PARD3B: variants seen among roughly 807,000 people sequenced by gnomAD.
The protein encoded by PARD3B is par-3 family cell polarity regulator beta.
Under a neutral mutation model 130.2 loss-of-function variants are expected in PARD3B, and 103 were observed. The observed-to-expected ratio is 0.79, with a 90% CI of 0.67 to 0.93. The LOEUF is 0.93. Among genes scored for constraint, PARD3B ranks in the 40% least tolerant of loss-of-function variants. The probability of loss-of-function intolerance (pLI) is 0.00; values close to 1 mark genes in which losing one functional copy is unlikely to be tolerated. For synonymous variants in PARD3B, 583 were observed against 553.2 expected (o/e 1.05, Z -0.76); for missense variants, 1,609 against 1,499.2 (o/e 1.07, Z -1.21).
At position 205,301,905 on chromosome 2, in the gene PARD3B, T is replaced by G. The variant is rs1213946286; in HGVS notation, c.2630+204T>G. 3 of 805,746 alleles carry G rather than the reference T, an allele frequency of 3.7e-6. No individual in the cohort carries two copies. The highest frequency in any genetic ancestry group is 6.4e-6 in the Non-Finnish European group (3 of 467,514). The allele number at this position is 805,746 out of a possible 1,614,324, so 49.9% of individuals were successfully genotyped here. On this transcript the variant is annotated intron_variant, in intron 18 of 22. Coordinates refer to ENST00000406610, the MANE Select transcript of PARD3B (RefSeq NM_001302769.2). This position sits in a 1 kb window ranked among gnomAD's most constrained non-coding sequence, Gnocchi z 5.2. ...TTACAGTGATGACAGGACACTGTCT[T>G]AAGTTTGTTGTCAAAGAAAGGTCAA...
chr2:204,896,104 G>C (rs2046631949), intron 2 of PARD3B, among the ~76,000 whole-genome samples: 1 of 152,100 alleles, frequency 6.6e-6, no homozygotes. Flanking sequence ...TCTGCTGTGG[G>C]ACCTCTCACA....
At chr2:205,303,513 G>A (rs565819999) in intron 18 of PARD3B, among the ~76,000 whole-genome samples, 82 of 152,272 alleles carry the variant, frequency 5.4e-4, no homozygotes, top group African/African-American at 1.8e-3. Flanking sequence ...TACAGCCACA[G>A]CATCTACCTG....
chr2:205,210,853 C>G (rs2125847971), intron 15 of PARD3B, among the ~76,000 whole-genome samples: 1 of 152,124 alleles, frequency 6.6e-6, no homozygotes, highest in Non-Finnish European at 1.5e-5. Flanking sequence ...TGAGCATTTC[C>G]TTTATAAGGC....
intron 4 of PARD3B, among the ~76,000 whole-genome samples, chr2:205,076,878 T>G (rs1047226153): frequency 1.3e-5 from 2 of 152,168 alleles, no homozygotes; most frequent in Admixed American, 1.3e-4. Context: ...AAATGCTACA[T>G]ACTATATTCC....
intron 2 of PARD3B, among the ~76,000 whole-genome samples, chr2:204,861,815 T>A (rs2045214906): frequency 6.7e-6 from 1 of 148,486 alleles, no homozygotes; most frequent in Admixed American, 6.9e-5. Context: ...ATAAGAAGGA[T>A]CCCATAAAAA....
intron 2 of PARD3B, among the ~76,000 whole-genome samples, chr2:204,766,800 T>C (rs2041169283): frequency 1.0e-5 from 1 of 100,384 alleles, no homozygotes; most frequent in Non-Finnish European, 2.4e-5. Context: ...TATGCCCTTT[T>C]GTAAATCAAA....
intron 20 of PARD3B, among the ~76,000 whole-genome samples, chr2:205,468,957 T>TC (rs1409845390): frequency 6.6e-6 from 1 of 151,594 alleles, no homozygotes; most frequent in Admixed American, 6.6e-5. Flanking sequence ...GTACCATTTT[T>TC]CCCCTCTATC....
At chr2:204,779,241 T>A (rs2041752525) in intron 2 of PARD3B, among the ~76,000 whole-genome samples, 1 of 152,150 alleles carries the variant, frequency 6.6e-6, no homozygotes, top group Admixed American at 6.5e-5. Context: ...ATATAATTAT[T>A]TTTTTAGCGA....
At chr2:205,384,831 G>A (rs1438821855) in intron 18 of PARD3B, among the ~76,000 whole-genome samples, 6 of 151,960 alleles carry the variant, frequency 3.9e-5, no homozygotes, top group African/African-American at 7.3e-5. Flanking sequence ...CAAAATTAAG[G>A]CCTTTGACCA....
intron 15 of PARD3B, among the ~76,000 whole-genome samples, chr2:205,234,778 G>A (rs116200823): frequency 1.4e-4 from 22 of 151,814 alleles, no homozygotes; most frequent in East Asian, 7.8e-4. Flanking sequence ...AGGACATACC[G>A]CATTCTGGAC....
At chr2:205,393,146 C>T (rs183777179) in intron 18 of PARD3B, among the ~76,000 whole-genome samples, 344 of 152,298 alleles carry the variant, frequency 2.3e-3, no homozygotes, top group Non-Finnish European at 4.2e-3. Flanking sequence ...TTAATTTCAT[C>T]AGCATATGCG....
At chr2:205,098,541 A>T (rs1423980096) in intron 4 of PARD3B, among the ~76,000 whole-genome samples, 2 of 152,226 alleles carry the variant, frequency 1.3e-5, no homozygotes, top group Non-Finnish European at 2.9e-5. Flanking sequence ...TGGGAATGCG[A>T]TGAGCATTCT....
intron 1 of PARD3B, among the ~76,000 whole-genome samples, chr2:204,614,666 G>A (rs2034045524): frequency 6.6e-6 from 1 of 152,046 alleles, no homozygotes; most frequent in African/African-American, 2.4e-5. Flanking sequence ...AAATCATGGG[G>A]GCAGTTTCTC....
intron 21 of PARD3B, among the ~76,000 whole-genome samples, chr2:205,542,948 A>G (rs1484298701): frequency 1.3e-5 from 2 of 152,196 alleles, no homozygotes; most frequent in African/African-American, 2.4e-5. Context: ...ATGAGGGTAA[A>G]GCTCCCTTTA....
intron 2 of PARD3B, among the ~76,000 whole-genome samples, chr2:204,721,121 TGC>T (rs1209111964): frequency 6.6e-6 from 1 of 152,168 alleles, no homozygotes; most frequent in East Asian, 1.9e-4. Context: ...GTCTGTAAGC[TGC>T]AGGCAAGTAT....
At chr2:204,822,155 GGAA>G (rs2125547530) in intron 2 of PARD3B, among the ~76,000 whole-genome samples, 1 of 152,294 alleles carries the variant, frequency 6.6e-6, no homozygotes, top group South Asian at 2.1e-4. Flanking sequence ...ACAGGAGTTT[GGAA>G]GAAGTTGATT....
chr2:204,821,467 G>T (rs374419628), intron 2 of PARD3B, among the ~76,000 whole-genome samples: 3 of 148,588 alleles, frequency 2.0e-5, no homozygotes, highest in African/African-American at 5.0e-5. Context: ...ACCAAACACC[G>T]CATATTCTCA....
intron 21 of PARD3B, among the ~76,000 whole-genome samples, chr2:205,521,886 A>G (rs565606489): frequency 1.3e-5 from 2 of 152,204 alleles, no homozygotes; most frequent in South Asian, 4.1e-4. Context: ...ATCTCTTTGT[A>G]AAGATTTTAA....
intron 2 of PARD3B, among the ~76,000 whole-genome samples, chr2:204,944,041 G>T (rs1168838077): frequency 2.0e-5 from 3 of 152,144 alleles, no homozygotes; most frequent in East Asian, 3.8e-4. Context: ...AAAGGAAGAA[G>T]AAGAGAAATA....
Sources: allele counts gnomAD v4.1 joint callset (sites outside exome capture counted in the v4.1 genomes callset), GRCh38; gene constraint gnomAD v4.1.1; non-coding constraint Gnocchi (gnomAD v3.1); transcripts MANE v1.5; gene names NCBI Gene and HGNC (gene_info 2026-07-23, HGNC 2026-07-21).